The following CDH4 variants were observed in gnomAD, a reference collection of about 807,000 sequenced individuals.
CDH4 encodes cadherin 4, also known as cadherin-4.
Under a neutral mutation model 86.0 loss-of-function variants are expected in CDH4, and 33 were observed. The observed-to-expected ratio is 0.38, with a 90% CI of 0.29 to 0.51. The LOEUF (loss-of-function observed/expected upper bound fraction) is 0.51, where lower values mean the gene tolerates loss of function less well. Ranked by LOEUF, CDH4 falls within the 20% of genes least tolerant of loss-of-function variation. The pLI is 0.86. For synonymous variants in CDH4, 555 were observed against 549.4 expected (o/e 1.01, Z -0.14); for missense variants, 1,114 against 1,307.4 (o/e 0.85, Z 2.28).
At position 61,773,191 on chromosome 20, in the gene CDH4, A is replaced by G; in HGVS notation, c.576+9A>G. ...CGCAGCAGCTCGTGAGGGTGAGTGC[A>G]GACCCCTCCCGCGGGCACGGGGGTC... On this transcript the variant is annotated intron_variant, in intron 4 of 15. Coordinates refer to ENST00000614565, the MANE Select transcript of CDH4 (RefSeq NM_001794.5). The G allele has an allele frequency of 6.5e-7, 1 of 1,535,590 alleles. No individual in the cohort carries two copies. The highest frequency in any genetic ancestry group is 8.8e-7 in the Non-Finnish European group (1 of 1,134,158).
intron 2 of CDH4, among the ~76,000 whole-genome samples, chr20:61,567,245 G>C (rs1256855302): frequency 1.3e-5 from 2 of 152,222 alleles, no homozygotes; most frequent in African/African-American, 4.8e-5. Flanking sequence ...AGCTCTTCTA[G>C]CTGGGGACGG....
Position 61,902,892 on chromosome 20 carries a change from G to T in CDH4, c.1189-7530G>T, listed in dbSNP as rs2054742301. Among the ~76,000 whole-genome samples the T allele has an allele frequency of 6.6e-6, 1 of 152,056 alleles. No individual in the cohort carries two copies. The highest frequency in any genetic ancestry group is 2.4e-5 in the African/African-American group (1 of 41,392). ...ACCACACACAGCAGAGGTGGCACAG[G>T]CCTGTAGCTCCAGCTACATGGGAGG... On this transcript the variant is annotated intron_variant, in intron 8 of 15. Transcript: ENST00000614565. The surrounding 1 kb of genome is among the most constrained non-coding windows in gnomAD (Gnocchi z 4.6).
chr20:61,894,880 G>A (rs1197056959), intron 7 of CDH4, 30 bp from the exon 8 acceptor site: 1 of 1,593,522 alleles, frequency 6.3e-7, no homozygotes, highest in Non-Finnish European at 8.5e-7. Context: ...CTGATTTTCT[G>A]TTCTTTCTCA....
intron 3 of CDH4, among the ~76,000 whole-genome samples, chr20:61,761,693 T>C (rs56739616): frequency 0.067 from 10,257 of 152,256 alleles, 419 homozygotes; most frequent in South Asian, 0.12. Context: ...GGGACTGCAG[T>C]GCACAGAGGG....
intron 2 of CDH4, among the ~76,000 whole-genome samples, chr20:61,668,786 C>G (rs2087354760): frequency 6.6e-6 from 1 of 152,254 alleles, no homozygotes; most frequent in Non-Finnish European, 1.5e-5. Context: ...CCTCCACTTA[C>G]CGCTTCTTGC....
At chr20:61,528,108 G>T (rs2085923973) in intron 2 of CDH4, among the ~76,000 whole-genome samples, 1 of 152,096 alleles carries the variant, frequency 6.6e-6, no homozygotes, top group African/African-American at 2.4e-5. Flanking sequence ...GGGTGTGGTG[G>T]CTCACGCCTG....
Position 61,847,590 on chromosome 20 carries a change from G to A in CDH4, c.732+2767G>A, listed in dbSNP as rs550986540. On this transcript the variant is annotated intron_variant, in intron 5 of 15. Transcript: ENST00000614565. ...CTGTGTAAACATGTGCAAACACGCT[G>A]TGTTAGCCCTTTCATATTGCTATAA... Among the ~76,000 whole-genome samples, 6 of 152,394 alleles carry A rather than the reference G, an allele frequency of 3.9e-5. 1 individual carries two copies. In the South Asian group the frequency reaches 1.0e-3, roughly 26 times the overall value.
chr20:61,558,653 G>T (rs1309465638), intron 2 of CDH4, among the ~76,000 whole-genome samples: 3 of 152,204 alleles, frequency 2.0e-5, no homozygotes, highest in Admixed American at 6.5e-5. Flanking sequence ...AACGCTGCAG[G>T]CTCCATCACA....
At chr20:61,858,307 CTG>C (rs1173332440) in intron 6 of CDH4, among the ~76,000 whole-genome samples, 1 of 129,842 alleles carries the variant, frequency 7.7e-6, no homozygotes, top group African/African-American at 2.9e-5. Flanking sequence ...GTCTCTGTGT[CTG>C]TATGTGTGTC....
rs2087446410 is a variant in CDH4 at position 61,676,548 on chromosome 20, G to T, written c.170-67015G>T. On this transcript the variant is annotated intron_variant, in intron 2 of 15. Transcript: ENST00000614565. This position sits in a 1 kb window ranked among gnomAD's most constrained non-coding sequence, Gnocchi z 4.5. ...GAAAACTCCTTGTCTGCAGGGATGG[G>T]TCTGCTTGGAGACCCCGGGTCAGGC... Among the ~76,000 whole-genome samples the T allele has an allele frequency of 6.6e-6, 1 of 152,078 alleles. No homozygotes were observed.
chr20:61,672,972 G>A (rs2087406843), intron 2 of CDH4, among the ~76,000 whole-genome samples: 1 of 151,950 alleles, frequency 6.6e-6, no homozygotes, highest in Non-Finnish European at 1.5e-5. Flanking sequence ...AGAAGAAGGA[G>A]GCAGGAGAGT....
At position 61,371,089 on chromosome 20, in the gene CDH4, C is replaced by T. The variant is rs117004805; in HGVS notation, c.169+116152C>T. 5.8e-4 allele frequency among the ~76,000 whole-genome samples: 88 copies of T among 152,308 alleles called. 2 individuals carry two copies. In the East Asian group the frequency reaches 0.013, roughly 23 times the overall value. ...TGGCCTTGGTGTTAATGAATGGATT[C>T]GTTCTGTTTGGAGCGAGCAGGCTGG... On this transcript the variant is annotated intron_variant, in intron 2 of 15. Transcript: ENST00000614565.
At chr20:61,519,031 C>T (rs2085848361) in intron 2 of CDH4, among the ~76,000 whole-genome samples, 1 of 149,822 alleles carries the variant, frequency 6.7e-6, no homozygotes, top group Admixed American at 6.6e-5. Flanking sequence ...CTCATGAAGC[C>T]CTGTCCACCA....
rs182608371 is a variant in CDH4, at chr20:61,782,464, T to G, written c.576+9282T>G. Among the ~76,000 whole-genome samples, 618 of 152,250 alleles carry G rather than the reference T, an allele frequency of 4.1e-3. 2 individuals carry two copies. The highest frequency in any genetic ancestry group is 7.0e-3 in the Non-Finnish European group (479 of 68,024). Reference sequence around the variant, plus strand: ...GGAAATCCACACCTCCAGGAAGGGATGGAGAGCTCAGGAAGAGATACATTT... The same window carrying G: ...GGAAATCCACACCTCCAGGAAGGGAGGGAGAGCTCAGGAAGAGATACATTT... On this transcript the variant is annotated intron_variant, in intron 4 of 15. Transcript: ENST00000614565.
At chr20:61,438,888 C>T (rs2085299520) in intron 2 of CDH4, among the ~76,000 whole-genome samples, 1 of 151,542 alleles carries the variant, frequency 6.6e-6, no homozygotes. Flanking sequence ...ATTTTCAATG[C>T]CCCCAGACAA....
At chr20:61,664,361 G>A (rs2087298554) in intron 2 of CDH4, among the ~76,000 whole-genome samples, 1 of 152,210 alleles carries the variant, frequency 6.6e-6, no homozygotes, top group Non-Finnish European at 1.5e-5. Context: ...GAAGGATAGG[G>A]GACTCCTGGG....
intron 4 of CDH4, among the ~76,000 whole-genome samples, chr20:61,836,301 G>A (rs534722836): frequency 6.6e-6 from 1 of 152,364 alleles, no homozygotes; most frequent in East Asian, 1.9e-4. Context: ...AATTCAGGAG[G>A]TGCCTCTCTC....
intron 2 of CDH4, among the ~76,000 whole-genome samples, chr20:61,302,326 C>A (rs2084390200): frequency 6.6e-6 from 1 of 152,230 alleles, no homozygotes; most frequent in South Asian, 2.1e-4. Context: ...GATGTGTTTG[C>A]TGTCTGCCAA....
rs1459377525 is a variant in CDH4, at chr20:61,728,615, G to C, written c.170-14948G>C. Among the ~76,000 whole-genome samples, 4 of 152,284 alleles carry C rather than the reference G, an allele frequency of 2.6e-5. No individual in the cohort carries two copies. In the East Asian group the frequency reaches 7.7e-4, roughly 29 times the overall value. ...CCTCAGTTTCCTCTTTGGGAAAATG[G>C]AAGGAACATGACCTTCCATATAGGT... On this transcript the variant is annotated intron_variant, in intron 2 of 15. Coordinates refer to ENST00000614565, the MANE Select transcript of CDH4 (RefSeq NM_001794.5).
Sources: allele counts gnomAD v4.1 joint callset (sites outside exome capture counted in the v4.1 genomes callset), GRCh38; gene constraint gnomAD v4.1.1; non-coding constraint Gnocchi (gnomAD v3.1); transcripts MANE v1.5; gene names NCBI Gene and HGNC (gene_info 2026-07-23, HGNC 2026-07-21).